The following CACNA1C variants were observed in gnomAD, a reference collection of about 807,000 sequenced individuals.
CACNA1C encodes voltage-dependent L-type calcium channel subunit alpha-1C.
CACNA1C carries 30 observed loss-of-function variants against 229.0 expected under a neutral mutation model. The ratio of observed to expected loss-of-function variants is 0.13; its 90% CI spans 0.10 to 0.18. CACNA1C has a LOEUF of 0.18. Ranked by LOEUF, CACNA1C falls within the 10% of genes least tolerant of loss-of-function variation. CACNA1C has a pLI of 1.00. For synonymous variants in CACNA1C, 1,114 were observed against 1,132.5 expected (o/e 0.98, Z 0.33); for missense variants, 1,658 against 2,845.0 (o/e 0.58, Z 9.49).
intron 3 of CACNA1C, among the ~76,000 whole-genome samples, chr12:2,314,170 G>A (rs1401484027): frequency 6.6e-6 from 1 of 152,192 alleles, no homozygotes; most frequent in Non-Finnish European, 1.5e-5. Flanking sequence ...TGAGGAGCTT[G>A]CAGCCTTCTA....
In CACNA1C at chr12:2,281,744, T is replaced by G. The variant is rs184225991; in HGVS notation, c.477+161314T>G. ...ACTGCTTTGAGGAATTTGATTATGA[T>G]GTGCCTTGGTATAATTCTTTTTTCA... On this transcript the variant is annotated intron_variant, in intron 3 of 46. Coordinates refer to ENST00000399655, the MANE Select transcript of CACNA1C (RefSeq NM_000719.7). Among the ~76,000 whole-genome samples the G allele has an allele frequency of 3.1e-3, 478 of 152,342 alleles. 2 individuals are homozygous for G. Among genetic ancestry groups the G allele is most frequent in the African/African-American group, 0.011 (457 of 41,582 alleles).
Position 2,688,549 on chromosome 12 carries a change from G to T in CACNA1C, c.5887G>T (p.Gly1963Cys), listed in dbSNP as rs778533406. The stretch of plus-strand genomic sequence containing the variant: ...CCCACCAGCCACACCTGGCAGCCGA[G>T]GCTGGCCCCCACAGCCCGTCCCCAC... Reference protein sequence around the residue: ...ATPPATPGSRGWPPQPVPTLR... With the variant: ...ATPPATPGSRCWPPQPVPTLR... Residue 1963 changes from glycine (G) to cysteine (C), a missense_variant, in exon 46 of 47, where the codon GGC (glycine) becomes TGC (cysteine). Physicochemically the swap from Gly to Cys is radical, Grantham distance 159 (BLOSUM62 -3). Around this residue, in one of 20 missense-constraint regions of CACNA1C, gnomAD observed 590 missense variants for 700.8 expected, o/e 0.84. Transcript: ENST00000399655. 6.2e-7 allele frequency: 1 copy of T among 1,614,016 alleles called. No individual in the cohort carries two copies. Among genetic ancestry groups the T allele is most frequent in the Non-Finnish European group, 8.5e-7 (1 of 1,179,878 alleles).
intron 3 of CACNA1C, among the ~76,000 whole-genome samples, chr12:2,377,777 G>A (rs1489006593): frequency 1.3e-5 from 2 of 152,212 alleles, no homozygotes; most frequent in African/African-American, 4.8e-5. Flanking sequence ...TAATGAGGAG[G>A]GGAAAGGATG....
At chr12:2,333,834 C>G (rs1179100184) in intron 3 of CACNA1C, among the ~76,000 whole-genome samples, 1 of 152,222 alleles carries the variant, frequency 6.6e-6, no homozygotes. Flanking sequence ...GCACACAGCC[C>G]TCCTTAGGGT....
At chr12:2,492,591 G>T (rs955920197) in intron 6 of CACNA1C, among the ~76,000 whole-genome samples, 3 of 152,198 alleles carry the variant, frequency 2.0e-5, no homozygotes, top group African/African-American at 7.2e-5. Flanking sequence ...TCCGTCTTTC[G>T]CCTATGTAAG....
chr12:2,537,972 G>A (rs2239116), intron 9 of CACNA1C, among the ~76,000 whole-genome samples: 92 of 150,752 alleles, frequency 6.1e-4, no homozygotes, highest in African/African-American at 1.4e-3. Flanking sequence ...GCCCCCTCCC[G>A]GCCCCATCCA....
intron 3 of CACNA1C, among the ~76,000 whole-genome samples, chr12:2,359,387 G>A (rs1203506693): frequency 2.6e-5 from 4 of 152,212 alleles, no homozygotes; most frequent in Admixed American, 2.6e-4. Context: ...CTTTTGGGGT[G>A]TGTTACCAAG....
chr12:2,328,418 A>G (rs755267852), intron 3 of CACNA1C, among the ~76,000 whole-genome samples: 2 of 152,150 alleles, frequency 1.3e-5, no homozygotes, highest in Non-Finnish European at 2.9e-5. Flanking sequence ...ATTTGTCCAA[A>G]GGTGTGACTT....
intron 3 of CACNA1C, among the ~76,000 whole-genome samples, chr12:2,405,831 C>T (rs374369648): frequency 1.1e-4 from 17 of 152,228 alleles, no homozygotes; most frequent in African/African-American, 3.6e-4. Flanking sequence ...ATTCATTTGC[C>T]CATATTCTTG....
At chr12:2,498,250 A>C (rs1260954404) in intron 7 of CACNA1C, among the ~76,000 whole-genome samples, 2 of 152,180 alleles carry the variant, frequency 1.3e-5, no homozygotes, top group Non-Finnish European at 2.9e-5. Flanking sequence ...AGTAACCCAG[A>C]AACAGTGTCC....
chr12:2,352,034 G>A (rs1029591291), intron 3 of CACNA1C, among the ~76,000 whole-genome samples: 62 of 152,162 alleles, frequency 4.1e-4, no homozygotes, highest in African/African-American at 1.0e-3. Flanking sequence ...TGGTTGAAAC[G>A]TCAGGCTTTC....
At chr12:1,985,519 C>T (rs540794772) in intron 1 of CACNA1C, among the ~76,000 whole-genome samples, 43 of 152,242 alleles carry the variant, frequency 2.8e-4, no homozygotes, top group African/African-American at 9.1e-4. Flanking sequence ...TCCAGTTTTA[C>T]CTCACAGAGC....
In CACNA1C at chr12:2,504,761, A is replaced by T; in HGVS notation, c.1114-81A>T. On this transcript the variant is annotated intron_variant, in intron 7 of 46. Coordinates refer to ENST00000399655, the MANE Select transcript of CACNA1C (RefSeq NM_000719.7). This position sits in a 1 kb window ranked among gnomAD's most constrained non-coding sequence, Gnocchi z 6.8. Reference sequence around the variant, plus strand: ...CCCGGATCCTGGCGCTGCGTGGGTCAGTGTCTCGGGAGCCGGGGACCGGCA... The same window carrying T: ...CCCGGATCCTGGCGCTGCGTGGGTCTGTGTCTCGGGAGCCGGGGACCGGCA... 2 of 886,668 alleles carry T rather than the reference A, an allele frequency of 2.3e-6. No individual in the cohort carries two copies. The highest frequency in any genetic ancestry group is 3.8e-6 in the Non-Finnish European group (2 of 533,082). The allele number at this position is 886,668 out of a possible 1,614,324, so 54.9% of individuals were successfully genotyped here.
At position 2,597,076 on chromosome 12, in the gene CACNA1C, A is replaced by G. The variant is rs1053126892; in HGVS notation, c.2794-154A>G. 1.3e-5 allele frequency among the ~76,000 whole-genome samples: 2 copies of G among 151,814 alleles called. No homozygotes were observed. The highest frequency in any genetic ancestry group is 2.9e-5 in the Non-Finnish European group (2 of 67,944). On this transcript the variant is annotated intron_variant, in intron 20 of 46. Coordinates refer to ENST00000399655, the MANE Select transcript of CACNA1C (RefSeq NM_000719.7). The surrounding 1 kb of genome is among the most constrained non-coding windows in gnomAD (Gnocchi z 4.3). The stretch of plus-strand genomic sequence containing the variant: ...TCTGTGTGTGTGCCGCTTGCCCCCC[A>G]TGTCCATCTGTGTCCCTGTGCAAAG...
At chr12:2,506,153 C>T (rs11615798) in intron 8 of CACNA1C, among the ~76,000 whole-genome samples, 1,644 of 152,270 alleles carry the variant, frequency 0.011, 25 homozygotes, top group Non-Finnish European at 0.015. Flanking sequence ...ATGCCTTTTG[C>T]TAAGGTGAGG....
At chr12:2,213,761 G>C (rs1351628460) in intron 3 of CACNA1C, among the ~76,000 whole-genome samples, 1 of 152,234 alleles carries the variant, frequency 6.6e-6, no homozygotes, top group Non-Finnish European at 1.5e-5. Flanking sequence ...AGGCAGCGTT[G>C]ACAAGGGATT....
At chr12:2,527,799 T>C (rs2099824063) in intron 9 of CACNA1C, among the ~76,000 whole-genome samples, 1 of 152,108 alleles carries the variant, frequency 6.6e-6, no homozygotes, top group Non-Finnish European at 1.5e-5. Context: ...CTGCTTGACA[T>C]GAAAAAGTAA....
chr12:2,565,459 G>A (rs950565515), intron 11 of CACNA1C, among the ~76,000 whole-genome samples: 1 of 132,956 alleles, frequency 7.5e-6, no homozygotes, highest in East Asian at 2.2e-4. Context: ...GGGCGACAGA[G>A]CGAGACTCCG....
chr12:2,077,988 G>T (rs1383690624), intron 1 of CACNA1C, among the ~76,000 whole-genome samples: 5 of 152,238 alleles, frequency 3.3e-5, no homozygotes, highest in African/African-American at 1.2e-4. Context: ...AGAAAATGTG[G>T]TGTATACATA....
Sources: gnomAD v4.1 joint callset for allele counts (sites outside exome capture counted in the v4.1 genomes callset) on GRCh38, gnomAD v4.1.1 for gene constraint, gnomAD v4.1.1 regional missense constraint, Gnocchi (gnomAD v3.1) non-coding constraint, MANE v1.5 for transcripts, NCBI Gene and HGNC (gene_info 2026-07-23, HGNC 2026-07-21) for gene names.